Variants in TRIM28 observed in about 807,000 individuals in gnomAD.
TRIM28 encodes tripartite motif containing 28.
In TRIM28, 8 loss-of-function variants were observed where a neutral mutation model predicts 87.4. That is an observed-to-expected ratio of 0.09 (90% CI 0.05 to 0.17). The LOEUF is 0.17. Ranked by LOEUF, TRIM28 falls within the 10% of genes least tolerant of loss-of-function variation. The probability of loss-of-function intolerance (pLI) is 1.00; values close to 1 mark genes in which losing one functional copy is unlikely to be tolerated. For synonymous variants in TRIM28, 601 were observed against 454.3 expected (o/e 1.32, Z -4.11); for missense variants, 968 against 1,131.8 (o/e 0.86, Z 2.08).
At chr19:58,545,353 A>T in intron 1 of TRIM28, 72 bp from the exon 2 acceptor site, 1 of 1,266,518 alleles carries the variant, frequency 7.9e-7, no homozygotes, top group Non-Finnish European at 1.1e-6. Context: ...GGGCCCACCC[A>T]GCAGGGGAAT....
chr19:58,549,935 T>C lies in TRIM28; in HGVS notation c.2107-14T>C, dbSNP rs2053800287. The C allele has an allele frequency of 6.2e-7, 1 of 1,613,858 alleles. No homozygotes were observed. The highest frequency in any genetic ancestry group is 1.3e-5 in the African/African-American group (1 of 74,856). ...TGCTGCCCAGAGCTGTGACATCCCTTACAATGTTTGTAGAAATGTGAGCGT... is the reference window on the plus strand; with the variant it reads ...TGCTGCCCAGAGCTGTGACATCCCTCACAATGTTTGTAGAAATGTGAGCGT... On this transcript the variant is annotated splice_polypyrimidine_tract_variant and intron_variant, in intron 14 of 16. Transcript: ENST00000253024. The surrounding 1 kb of genome is among the most constrained non-coding windows in gnomAD (Gnocchi z 4.4).
At chr19:58,546,541 C>T (rs527361725) in intron 3 of TRIM28, among the ~76,000 whole-genome samples, 2 of 152,158 alleles carry the variant, frequency 1.3e-5, no homozygotes, top group Non-Finnish European at 2.9e-5. Context: ...TGGAAGATAG[C>T]GGGAAGGTGG....
Position 58,544,910 on chromosome 19 carries a change from C to T in TRIM28, c.153C>T (p.Pro51=), listed in dbSNP as rs2053746414. ...CTGCCTCAGCCGCGGCGTCGTCGCCCGCGGGGGGCGGCGCCGAGGCGCTGG... is the reference window on the plus strand; with the variant it reads ...CTGCCTCAGCCGCGGCGTCGTCGCCTGCGGGGGGCGGCGCCGAGGCGCTGG... ...SASASAAASS[P]AGGGAEALEL... is the part of the protein sequence containing the mutation. The change falls in exon 1 of 17, where the codon CCC becomes CCT. Residue 51 remains proline (P), a synonymous_variant. Coordinates refer to ENST00000253024, the MANE Select transcript of TRIM28 (RefSeq NM_005762.3). The T allele has an allele frequency of 4.3e-6, 6 of 1,389,704 alleles. No homozygotes were observed. Among genetic ancestry groups the T allele is most frequent in the Middle Eastern group, 2.5e-4 (1 of 3,962 alleles). 86.1% of individuals were successfully genotyped at this position (1,389,704 alleles called of 1,614,324 possible). A position where few individuals can be genotyped will look rare whatever the true frequency, so the allele number is the denominator to read the frequency against.
In TRIM28 at chr19:58,549,352, A is replaced by G; in HGVS notation, c.1684A>G (p.Ile562Val). The change falls in exon 13 of 17, where the codon ATT (isoleucine) becomes GTT (valine). Residue 562 changes from isoleucine to valine, a missense_variant. Ile to Val is a conservative substitution (Grantham distance 29). Coordinates refer to ENST00000253024, the MANE Select transcript of TRIM28 (RefSeq NM_005762.3). This position sits in a 1 kb window ranked among gnomAD's most constrained non-coding sequence, Gnocchi z 4.4. ...IVKEEETEAA[I>V]GAPPTATEGP... ...GCAGGAGGAGGAGACGGAGGCTGCC[A>G]TTGGAGCCCCTCCTACTGCCACTGA... 8 of 1,567,314 alleles carry G rather than the reference A, an allele frequency of 5.1e-6. No homozygotes were observed. Among genetic ancestry groups the G allele is most frequent in the Non-Finnish European group, 6.9e-6 (8 of 1,153,766 alleles).
Position 58,549,712 on chromosome 19 carries a change from C to A in TRIM28, c.1983-25C>A. 1 of 1,598,810 alleles carries A rather than the reference C, an allele frequency of 6.3e-7. No homozygotes were observed. Among genetic ancestry groups the A allele is most frequent in the Non-Finnish European group, 8.5e-7 (1 of 1,169,612 alleles). ...TGGGCTGTCTGGACAGGATCATGTGCAGACCCTTATTTTCTTCACCCTAGG... is the reference window on the plus strand; with the variant it reads ...TGGGCTGTCTGGACAGGATCATGTGAAGACCCTTATTTTCTTCACCCTAGG... On this transcript the variant is annotated intron_variant, in intron 13 of 16. Coordinates refer to ENST00000253024, the MANE Select transcript of TRIM28 (RefSeq NM_005762.3). The surrounding 1 kb of genome is among the most constrained non-coding windows in gnomAD (Gnocchi z 4.4).
At position 58,549,554 on chromosome 19, in the gene TRIM28, G is replaced by A. The variant is rs1371107136; in HGVS notation, c.1886G>A (p.Arg629His). ...CTGGATGACAGTGCCACCATTTGCC[G>A]TGTCTGCCAGAAGCCAGGCGATCTG... Reference protein sequence around the residue: ...GTLDDSATICRVCQKPGDLVM... With the variant: ...GTLDDSATICHVCQKPGDLVM... The change falls in exon 13 of 17, where the codon CGT becomes CAT. Residue 629 changes from arginine to histidine, a missense_variant. By Grantham distance (29) the Arg-to-His change is conservative. Around this residue, in one of 11 missense-constraint regions of TRIM28, gnomAD observed 164 missense variants for 146.2 expected, o/e 1.12. Coordinates refer to ENST00000253024, the MANE Select transcript of TRIM28 (RefSeq NM_005762.3). The surrounding 1 kb of genome is among the most constrained non-coding windows in gnomAD (Gnocchi z 4.4). 4 of 1,613,990 alleles carry A rather than the reference G, an allele frequency of 2.5e-6. No individual in the cohort carries two copies. The highest frequency in any genetic ancestry group is 2.2e-5 in the East Asian group (1 of 44,890).
In TRIM28 at chr19:58,549,383, C is replaced by T. The variant is rs1019905760; in HGVS notation, c.1715C>T (p.Pro572Leu). The T allele has an allele frequency of 1.3e-6, 2 of 1,579,466 alleles. No homozygotes were observed. Among genetic ancestry groups the T allele is most frequent in the Non-Finnish European group, 1.7e-6 (2 of 1,159,378 alleles). The change falls in exon 13 of 17, where the codon CCT becomes CTT. Residue 572 changes from proline to leucine, a missense_variant. Physicochemically the swap from Pro to Leu is moderately conservative, Grantham distance 98 (BLOSUM62 -3). Coordinates refer to ENST00000253024, the MANE Select transcript of TRIM28 (RefSeq NM_005762.3). This position sits in a 1 kb window ranked among gnomAD's most constrained non-coding sequence, Gnocchi z 4.4. ...IGAPPTATEG[P>L]ETKPVLMALA... ...GCCCCTCCTACTGCCACTGAGGGCC[C>T]TGAGACCAAACCTGTGCTTATGGCT... is the stretch of plus-strand genomic sequence containing the variant.
Position 58,547,468 on chromosome 19 carries a change from C to G in TRIM28, c.679C>G (p.Leu227Val). ...GCTGTTTTGTGAGAGCTGTGATACTCTCACCTGCCGAGACTGCCAGCTCAA... is the reference window on the plus strand; with the variant it reads ...GCTGTTTTGTGAGAGCTGTGATACTGTCACCTGCCGAGACTGCCAGCTCAA... ...LVLFCESCDT[L>V]TCRDCQLNAH... Residue 227 changes from leucine to valine, a missense_variant, in exon 4 of 17, where the codon CTC becomes GTC. Coordinates refer to ENST00000253024, the MANE Select transcript of TRIM28 (RefSeq NM_005762.3). 1 of 1,614,016 alleles carries G rather than the reference C, an allele frequency of 6.2e-7. No individual in the cohort carries two copies. The highest frequency in any genetic ancestry group is 8.5e-7 in the Non-Finnish European group (1 of 1,180,018).
Position 58,544,714 on chromosome 19 carries a change from C to A in TRIM28, c.-44C>A. ...GCGCGTCTGCGCCTGCGCGGCGGGC[C>A]CCGCGCCCCTCCTCCCCCCCTGGGC... is the stretch of plus-strand genomic sequence containing the variant. On this transcript the variant is annotated 5_prime_UTR_variant, in exon 1 of 17. Coordinates refer to ENST00000253024, the MANE Select transcript of TRIM28 (RefSeq NM_005762.3). 2.2e-6 allele frequency: 2 copies of A among 910,198 alleles called. No individual in the cohort carries two copies. Among genetic ancestry groups the A allele is most frequent in the Non-Finnish European group, 2.6e-6 (2 of 755,540 alleles). The allele number at this position is 910,198 out of a possible 1,614,324, so 56.4% of individuals were successfully genotyped here.
At chr19:58,548,829 C>T (rs773831260) in intron 10 of TRIM28, 33 bp from the exon 11 acceptor site, 6 of 1,613,954 alleles carry the variant, frequency 3.7e-6, no homozygotes, top group African/African-American at 2.7e-5. Context: ...GTTTCTACCC[C>T]AACCTGCCAG....
rs926659114 is a variant in TRIM28, at chr19:58,545,177, A to G, written c.340+80A>G. The stretch of plus-strand genomic sequence containing the variant: ...GACTGGGTGCAGAGATGAGGATGCC[A>G]CCTGGGCGAGAGGATGGGGGCCCGG... On this transcript the variant is annotated intron_variant, in intron 1 of 16. Transcript: ENST00000253024. 8 of 1,288,134 alleles carry G rather than the reference A, an allele frequency of 6.2e-6. No homozygotes were observed. The Admixed American group carries it at 1.9e-4, about 31-fold the overall frequency. 79.8% of individuals were successfully genotyped at this position (1,288,134 alleles called of 1,614,324 possible). A position where few individuals can be genotyped will look rare whatever the true frequency, so the allele number is the denominator to read the frequency against.
rs2053791105 is a variant in TRIM28, at chr19:58,549,232, A to G, written c.1654A>G (p.Ile552Val). 1.9e-6 allele frequency: 3 copies of G among 1,613,404 alleles called. No homozygotes were observed. The highest frequency in any genetic ancestry group is 2.5e-6 in the Non-Finnish European group (3 of 1,179,548). Residue 552 changes from isoleucine to valine, a missense_variant, in exon 12 of 17, where the codon ATT becomes GTT. This residue lies in a region of TRIM28 where 164 missense variants were observed against 146.2 expected (regional missense o/e 1.12). Coordinates refer to ENST00000253024, the MANE Select transcript of TRIM28 (RefSeq NM_005762.3). The surrounding 1 kb of genome is among the most constrained non-coding windows in gnomAD (Gnocchi z 4.4). ...PGAPPLAGMA[I>V]VKEEETEAAI... ...TGCCCCACCCCTGGCTGGCATGGCCATTGTCAAGGTAAGCCTGTCCCAAGG... is the reference window on the plus strand; with the variant it reads ...TGCCCCACCCCTGGCTGGCATGGCCGTTGTCAAGGTAAGCCTGTCCCAAGG...
chr19:58,548,108 G>C lies in TRIM28; in HGVS notation c.1029G>C (p.Glu343Asp). 6.2e-7 allele frequency: 1 copy of C among 1,614,212 alleles called. No individual in the cohort carries two copies. The highest frequency in any genetic ancestry group is 8.5e-7 in the Non-Finnish European group (1 of 1,180,036). ...TGACCAAGATCCAGAAGCACCAGGAGCACATTCTGCGCTTTGCCTCTTGGG... is the reference window on the plus strand; with the variant it reads ...TGACCAAGATCCAGAAGCACCAGGACCACATTCTGCGCTTTGCCTCTTGGG... Reference protein sequence around the residue: ...WTMTKIQKHQEHILRFASWAL... With the variant: ...WTMTKIQKHQDHILRFASWAL... Residue 343 changes from glutamate (E) to aspartate (D), a missense_variant, in exon 7 of 17, where the codon GAG (glutamate) becomes GAC (aspartate). By Grantham distance (45) the Glu-to-Asp change is conservative. Coordinates refer to ENST00000253024, the MANE Select transcript of TRIM28 (RefSeq NM_005762.3).
rs1176963064 is a variant in TRIM28 at position 58,550,621 on chromosome 19, C to T, written c.*68C>T. 15 of 1,499,886 alleles carry T rather than the reference C, an allele frequency of 1.0e-5. No individual in the cohort carries two copies. Among genetic ancestry groups the T allele is most frequent in the Non-Finnish European group, 1.8e-6 (2 of 1,114,930 alleles). The allele number at this position is 1,499,886 out of a possible 1,614,324, so 92.9% of individuals were successfully genotyped here. A position where few individuals can be genotyped will look rare whatever the true frequency, so the allele number is the denominator to read the frequency against. ...GTCCTGTCACCCCATCCCCACTCCC[C>T]TGGTGGCCTGACTCCCACTCCCTGG... is the stretch of plus-strand genomic sequence containing the variant. On this transcript the variant is annotated 3_prime_UTR_variant, in exon 17 of 17. Coordinates refer to ENST00000253024, the MANE Select transcript of TRIM28 (RefSeq NM_005762.3).
chr19:58,544,443 C>G lies in TRIM28; in HGVS notation c.-315C>G, dbSNP rs1017334313. ...GGCGCCAGTTATTTCTGTCCCGCCC[C>G]CCGGCCTCGGCTCTTTCTGCGAGCG... On this transcript the variant is annotated 5_prime_UTR_variant, in exon 1 of 17. Transcript: ENST00000253024. 2 of 152,272 alleles carry G rather than the reference C, an allele frequency of 1.3e-5. No individual in the cohort carries two copies. Among genetic ancestry groups the G allele is most frequent in the Non-Finnish European group, 2.9e-5 (2 of 68,132 alleles). The allele number at this position is 152,272 out of a possible 1,614,324, so 9.4% of individuals were successfully genotyped here.
At chr19:58,545,279 C>T (rs767325917) in intron 1 of TRIM28, 146 bp from the exon 2 acceptor site, 28 of 897,462 alleles carry the variant, frequency 3.1e-5, no homozygotes, top group Middle Eastern at 7.1e-4. Context: ...GGACATCTGA[C>T]TAAAGTTGGA....
intron 3 of TRIM28, chr19:58,547,105 T>C (rs1177412751): frequency 4.8e-6 from 2 of 414,976 alleles, no homozygotes; most frequent in Middle Eastern, 6.4e-4. Context: ...GTCCTCTTTT[T>C]CTAGACGCTG....
intron 3 of TRIM28, 144 bp downstream of exon 3, chr19:58,546,040 A>G (rs777183929): frequency 1.9e-6 from 2 of 1,074,826 alleles, no homozygotes; most frequent in Admixed American, 2.8e-5. Flanking sequence ...GAACTCCAGA[A>G]GCAGAAAAAC....
chr19:58,550,031 C>T lies in TRIM28; in HGVS notation c.2189C>T (p.Ser730Phe). The change falls in exon 15 of 17, where the codon TCC becomes TTC. Residue 730 changes from serine to phenylalanine, a missense_variant. Coordinates refer to ENST00000253024, the MANE Select transcript of TRIM28 (RefSeq NM_005762.3). ...CAGCTGGCTACCGACTCCACCTTCTCCCTGGTGAGTCCTAGGATGGGAAAG... is the reference window on the plus strand; with the variant it reads ...CAGCTGGCTACCGACTCCACCTTCTTCCTGGTGAGTCCTAGGATGGGAAAG... ...LHQLATDSTF[S>F]LDQPGGTLDL... The T allele has an allele frequency of 6.2e-7, 1 of 1,614,086 alleles. No homozygotes were observed. The highest frequency in any genetic ancestry group is 1.6e-4 in the Middle Eastern group (1 of 6,062).
Sources: gnomAD v4.1 joint callset for allele counts (sites outside exome capture counted in the v4.1 genomes callset) on GRCh38, gnomAD v4.1.1 for gene constraint, gnomAD v4.1.1 regional missense constraint, Gnocchi (gnomAD v3.1) non-coding constraint, MANE v1.5 for transcripts, NCBI Gene and HGNC (gene_info 2026-07-23, HGNC 2026-07-21) for gene names.